PDE1C: variants seen among roughly 807,000 people sequenced by gnomAD.
The protein encoded by PDE1C is dual specificity calcium/calmodulin-dependent 3',5'-cyclic nucleotide phosphodiesterase 1C.
PDE1C carries 62 observed loss-of-function variants against 93.1 expected under a neutral mutation model. That is an observed-to-expected ratio of 0.67 (90% CI 0.54 to 0.82). The LOEUF (loss-of-function observed/expected upper bound fraction) is 0.82, where lower values mean the gene tolerates loss of function less well. Among genes scored for constraint, PDE1C ranks in the 40% least tolerant of loss-of-function variants. PDE1C has a pLI of 0.00. For synonymous variants in PDE1C, 325 were observed against 310.1 expected (o/e 1.05, Z -0.50); for missense variants, 742 against 884.6 (o/e 0.84, Z 2.04).
intron 1 of PDE1C, among the ~76,000 whole-genome samples, chr7:32,288,312 C>CT (rs1194946216): frequency 6.6e-6 from 1 of 152,154 alleles, no homozygotes; most frequent in African/African-American, 2.4e-5. Flanking sequence ...TGGGAAAGTG[C>CT]TTTACCAATA....
At chr7:31,715,093 T>C in the PDE1C span, among the ~76,000 whole-genome samples, 182 of 152,254 alleles carry the variant, frequency 1.2e-3, 1 homozygote, top group Middle Eastern at 6.8e-3. Context: ...ACTAACCTAA[T>C]GACAAAAGAA....
intron 2 of PDE1C, among the ~76,000 whole-genome samples, chr7:31,907,218 T>C (rs951817482): frequency 6.6e-6 from 1 of 152,090 alleles, no homozygotes; most frequent in Non-Finnish European, 1.5e-5. Flanking sequence ...ATCCAAGACA[T>C]ATTACGTAAA....
At chr7:32,206,397 C>G (rs1805532361) in intron 2 of PDE1C, among the ~76,000 whole-genome samples, 1 of 152,132 alleles carries the variant, frequency 6.6e-6, no homozygotes, top group African/African-American at 2.4e-5. Context: ...CTAATAGAGA[C>G]CGACAGTTGC....
chr7:32,172,823 T>TA (rs70989638), intron 2 of PDE1C, among the ~76,000 whole-genome samples: 31,962 of 104,018 alleles, frequency 0.31, 5,530 homozygotes, highest in Admixed American at 0.4. Flanking sequence ...ACTCCATCTT[T>TA]AAAAAAAAAA....
the PDE1C span, among the ~76,000 whole-genome samples, chr7:31,660,224 G>A: frequency 1.3e-5 from 2 of 152,214 alleles, no homozygotes; most frequent in East Asian, 3.9e-4. Context: ...AGCAGCCTGA[G>A]AACGGACTAA....
At chr7:31,964,350 C>T (rs935653798) in intron 2 of PDE1C, among the ~76,000 whole-genome samples, 1 of 152,108 alleles carries the variant, frequency 6.6e-6, no homozygotes, top group Non-Finnish European at 1.5e-5. Flanking sequence ...CACGGAGCCT[C>T]GCTCACTGCT....
chr7:32,318,105 C>G (rs79643199), intron 1 of PDE1C, among the ~76,000 whole-genome samples: 1 of 152,058 alleles, frequency 6.6e-6, no homozygotes, highest in African/African-American at 2.4e-5. Context: ...TTGTTCTAAC[C>G]CTTGAATTTT....
At chr7:32,122,401 T>C (rs1799349362) in intron 3 of PDE1C, among the ~76,000 whole-genome samples, 1 of 152,146 alleles carries the variant, frequency 6.6e-6, no homozygotes, top group Non-Finnish European at 1.5e-5. Context: ...CCACCCCAAA[T>C]CAACAGAATA....
rs55965828 is a variant in PDE1C at position 32,380,404 on chromosome 7, A to ATT, written c.310+47416_310+47417dup. Among the ~76,000 whole-genome samples the ATT allele has an allele frequency of 1.8e-4, 25 of 137,260 alleles. 1 individual carries two copies. Among genetic ancestry groups the ATT allele is most frequent in the Non-Finnish European group, 1.9e-4 (12 of 64,668 alleles). The allele number at this position is 137,260 out of a possible 152,430, so 90.0% of individuals were successfully genotyped here. ...AGGCGCATGCCACCATGCCCGGCTA[A>ATT]TTTTTTTTTTTTTTTGTATTTTTAG... On this transcript the variant is annotated intron_variant, in intron 1 of 1. Transcript: ENST00000672256.
intron 3 of PDE1C, among the ~76,000 whole-genome samples, chr7:32,104,099 A>C (rs559494120): frequency 1.3e-5 from 2 of 152,316 alleles, no homozygotes; most frequent in South Asian, 4.1e-4. Context: ...CAAAATGAGA[A>C]TAGAAGGAAA....
chr7:32,335,517 G>T (rs77818421), intron 1 of PDE1C, among the ~76,000 whole-genome samples: 8,910 of 152,198 alleles, frequency 0.059, 349 homozygotes, highest in Non-Finnish European at 0.082. Flanking sequence ...GATGATCAAA[G>T]TGTCAACAAA....
chr7:32,423,106 G>A (rs1395773610), intron 1 of PDE1C, among the ~76,000 whole-genome samples: 1 of 152,154 alleles, frequency 6.6e-6, no homozygotes, highest in Non-Finnish European at 1.5e-5. Context: ...CAGGTGTGAT[G>A]GCTCACACTT....
chr7:31,787,584 G>T (rs1330468493), intron 16 of PDE1C: 1 of 151,192 alleles, frequency 6.6e-6, no homozygotes, highest in East Asian at 2.0e-4. Context: ...CGTGTAGAGC[G>T]CATGGTTTCG....
chr7:31,652,480 T>C, the PDE1C span: 6 of 1,542,060 alleles, frequency 3.9e-6, no homozygotes, highest in Non-Finnish European at 5.3e-6. Context: ...GCCAATGTGA[T>C]GTGCTGTTTA....
At chr7:31,975,206 C>G (rs1413519909) in intron 2 of PDE1C, among the ~76,000 whole-genome samples, 1 of 152,196 alleles carries the variant, frequency 6.6e-6, no homozygotes, top group East Asian at 1.9e-4. Flanking sequence ...TCCTGACCAA[C>G]ACCAAATGGG....
At chr7:31,628,339 G>C in the PDE1C span, among the ~76,000 whole-genome samples, 1 of 151,398 alleles carries the variant, frequency 6.6e-6, no homozygotes, top group Non-Finnish European at 1.5e-5. Flanking sequence ...ATAGAGAATA[G>C]CCAACAAACG....
chr7:32,313,430 G>A (rs1193779908), intron 1 of PDE1C, among the ~76,000 whole-genome samples: 1 of 151,836 alleles, frequency 6.6e-6, no homozygotes, highest in Non-Finnish European at 1.5e-5. Context: ...TATAAATCAT[G>A]CTGCTATAAA....
chr7:31,633,014 G>A, the PDE1C span, among the ~76,000 whole-genome samples: 3 of 152,112 alleles, frequency 2.0e-5, no homozygotes, highest in East Asian at 5.8e-4. Flanking sequence ...AGCCTCCCGA[G>A]TAACTGGGAT....
the PDE1C span, among the ~76,000 whole-genome samples, chr7:31,731,296 G>A: frequency 2.0e-5 from 3 of 152,028 alleles, no homozygotes; most frequent in Admixed American, 1.3e-4. Context: ...CAACTGGCCC[G>A]TTCATTTAGC....
Sources: allele counts gnomAD v4.1 joint callset (sites outside exome capture counted in the v4.1 genomes callset), GRCh38; gene constraint gnomAD v4.1.1; transcripts MANE v1.5; gene names NCBI Gene and HGNC (gene_info 2026-07-23, HGNC 2026-07-21).